GDPD5: variants seen among roughly 807,000 people sequenced by gnomAD.
The protein encoded by GDPD5 is glycerophosphodiester phosphodiesterase 2.
In GDPD5, 48 loss-of-function variants were observed where a neutral mutation model predicts 75.1. That is an observed-to-expected ratio of 0.64 (90% confidence interval 0.51 to 0.81). The LOEUF (loss-of-function observed/expected upper bound fraction) is 0.81, where lower values mean the gene tolerates loss of function less well. Ranked by LOEUF, GDPD5 falls within the 40% of genes least tolerant of loss-of-function variation. The pLI is 0.00. For missense variants in GDPD5, 706 were observed against 822.6 expected (o/e 0.86, Z 1.73); for synonymous variants, 336 against 339.0 (o/e 0.99, Z 0.10).
intron 6 of GDPD5, 146 bp downstream of exon 6, chr11:75,456,611 T>C (rs1949290642): frequency 2.9e-6 from 2 of 700,176 alleles, no homozygotes; most frequent in Non-Finnish European, 5.0e-6. Context: ...GAAAAGTGCT[T>C]GGCGCATAGT....
intron 1 of GDPD5, among the ~76,000 whole-genome samples, chr11:75,505,428 T>C (rs184596292): frequency 1.3e-4 from 20 of 151,568 alleles, no homozygotes; most frequent in African/African-American, 3.1e-4. Context: ...AGGGATTTCC[T>C]ACTATGTGCT....
At chr11:75,486,476 G>A (rs541904629) in intron 2 of GDPD5, among the ~76,000 whole-genome samples, 1 of 152,296 alleles carries the variant, frequency 6.6e-6, no homozygotes, top group Admixed American at 6.5e-5. Flanking sequence ...ACAAATAGTG[G>A]TGACCCCAAA....
intron 1 of GDPD5, among the ~76,000 whole-genome samples, chr11:75,496,027 C>T (rs558335932): frequency 6.6e-6 from 1 of 152,368 alleles, no homozygotes; most frequent in East Asian, 1.9e-4. Flanking sequence ...GCAGTGATCA[C>T]AACTTGACTG....
At chr11:75,522,967 T>C (rs550830414) in intron 1 of GDPD5, among the ~76,000 whole-genome samples, 1 of 152,070 alleles carries the variant, frequency 6.6e-6, no homozygotes, top group Non-Finnish European at 1.5e-5. Flanking sequence ...TAGGGGAGTG[T>C]GACCCACACA....
intron 9 of GDPD5, among the ~76,000 whole-genome samples, chr11:75,448,170 G>A (rs1340243632): frequency 6.6e-6 from 1 of 152,178 alleles, no homozygotes; most frequent in African/African-American, 2.4e-5. Flanking sequence ...ACTTGGCAGG[G>A]TGGGGGTGTG....
At chr11:75,487,361 AAGTCAC>A (rs1156337498) in intron 2 of GDPD5, among the ~76,000 whole-genome samples, 1 of 152,188 alleles carries the variant, frequency 6.6e-6, no homozygotes, top group Non-Finnish European at 1.5e-5. Flanking sequence ...AAGGAATTCT[AAGTCAC>A]AGGGGCAGCT....
Position 75,443,189 on chromosome 11 carries a change from T to A in GDPD5, c.895A>T (p.Met299Leu), listed in dbSNP as rs149014681. 6.2e-7 allele frequency: 1 copy of A among 1,605,040 alleles called. No homozygotes were observed. The highest frequency in any genetic ancestry group is 2.2e-5 in the East Asian group (1 of 44,572). ...CTCTGCAGGGTGGTCCAGTTAAGCA[T>A]GGAGGCAGGCCTGCGGGCCAGCTCC... is the stretch of plus-strand genomic sequence containing the variant. ...FPELARRPAS[M>L]LNWTTLQRLN... The change falls in exon 11 of 17, where the codon ATG becomes TTG. Residue 299 changes from methionine (M) to leucine (L), a missense_variant. By Grantham distance (15) the Met-to-Leu change is conservative. Coordinates refer to ENST00000336898, the MANE Select transcript of GDPD5 (RefSeq NM_030792.8).
At chr11:75,509,302 T>C (rs1277775105) in intron 1 of GDPD5, among the ~76,000 whole-genome samples, 2 of 152,160 alleles carry the variant, frequency 1.3e-5, no homozygotes, top group Admixed American at 1.3e-4. Context: ...GACAGCACCA[T>C]CTTTCTTTCT....
intron 1 of GDPD5, among the ~76,000 whole-genome samples, chr11:75,506,254 C>T (rs903418787): frequency 6.6e-6 from 1 of 152,164 alleles, no homozygotes; most frequent in Admixed American, 6.5e-5. Context: ...TGGGCTCTTC[C>T]CAGAAGACAC....
intron 3 of GDPD5, among the ~76,000 whole-genome samples, chr11:75,475,279 G>A (rs1327318794): frequency 6.6e-6 from 1 of 152,182 alleles, no homozygotes; most frequent in African/African-American, 2.4e-5. Flanking sequence ...GAGATACAGG[G>A]GGAGAATCCC....
chr11:75,467,110 C>T (rs1949532697), intron 3 of GDPD5, among the ~76,000 whole-genome samples: 1 of 152,310 alleles, frequency 6.6e-6, no homozygotes, highest in Admixed American at 6.5e-5. Context: ...CCATCCTGCA[C>T]AGACTCTTGG....
chr11:75,459,406 C>G (rs1279576035), intron 4 of GDPD5, among the ~76,000 whole-genome samples: 1 of 150,142 alleles, frequency 6.7e-6, no homozygotes, highest in Non-Finnish European at 1.5e-5. Context: ...TGGGCTCAAG[C>G]AATCCTCCCA....
At chr11:75,508,775 C>T (rs1441334144) in intron 1 of GDPD5, 1 of 152,304 alleles carries the variant, frequency 6.6e-6, no homozygotes, top group Non-Finnish European at 1.5e-5. Flanking sequence ...CCCCTACTCC[C>T]CCCACATAGG....
chr11:75,518,962 G>A (rs1442286948), intron 1 of GDPD5, among the ~76,000 whole-genome samples: 1 of 152,124 alleles, frequency 6.6e-6, no homozygotes, highest in African/African-American at 2.4e-5. Flanking sequence ...GGTGTGCCTT[G>A]GGAGCAAGAA....
chr11:75,480,306 T>G (rs1565205289), intron 2 of GDPD5, among the ~76,000 whole-genome samples: 1 of 150,422 alleles, frequency 6.6e-6, no homozygotes, highest in African/African-American at 2.5e-5. Context: ...CCAGCCAGGG[T>G]GACAGGGCAA....
chr11:75,478,347 T>C (rs1290431284), intron 2 of GDPD5, among the ~76,000 whole-genome samples: 3 of 152,196 alleles, frequency 2.0e-5, no homozygotes, highest in Non-Finnish European at 4.4e-5. Flanking sequence ...GGTTTTGCCA[T>C]GTAGGCCAGG....
intron 2 of GDPD5, among the ~76,000 whole-genome samples, chr11:75,488,485 G>GT (rs764424022): frequency 1.2e-4 from 19 of 152,166 alleles, no homozygotes; most frequent in South Asian, 4.2e-4. Context: ...GAGGAGGAAC[G>GT]TGAGTACAGT....
At chr11:75,440,089 G>A (rs1948745450) in intron 14 of GDPD5, 128 bp from the exon 15 acceptor site, 2 of 662,920 alleles carry the variant, frequency 3.0e-6, no homozygotes, top group South Asian at 3.8e-5. Context: ...ACCCTGAGAG[G>A]GTCTGGGGGC....
At chr11:75,462,749 TG>T in intron 4 of GDPD5, 36 bp downstream of exon 4, 1 of 1,521,744 alleles carries the variant, frequency 6.6e-7, no homozygotes, top group Non-Finnish European at 9.1e-7. Context: ...TACCCAGCTC[TG>T]GGCCCCTTCC....
Sources: allele counts gnomAD v4.1 joint callset (sites outside exome capture counted in the v4.1 genomes callset), GRCh38; gene constraint gnomAD v4.1.1; transcripts MANE v1.5; gene names NCBI Gene and HGNC (gene_info 2026-07-23, HGNC 2026-07-21).